Variants in CCDC88C observed in about 807,000 individuals in gnomAD.
The protein encoded by CCDC88C is coiled-coil and HOOK domain protein 88C.
In CCDC88C, 131 loss-of-function variants were observed where a neutral mutation model predicts 198.8. That is an observed-to-expected ratio of 0.66 (90% CI 0.57 to 0.76). CCDC88C has a LOEUF of 0.76. Ranked by LOEUF, CCDC88C falls within the 30% of genes least tolerant of loss-of-function variation. CCDC88C has a pLI of 0.00. For missense variants in CCDC88C, 2,553 were observed against 2,631.6 expected (o/e 0.97, Z 0.65); for synonymous variants, 1,166 against 1,114.7 (o/e 1.05, Z -0.92).
intron 23 of CCDC88C, 86 bp downstream of exon 23, chr14:91,294,087 C>T (rs1324577767): frequency 3.9e-6 from 6 of 1,526,426 alleles, no homozygotes; most frequent in Non-Finnish European, 5.4e-6. Flanking sequence ...GGGCTCCTCT[C>T]TGCATGGGAA....
intron 10 of CCDC88C, among the ~76,000 whole-genome samples, chr14:91,335,078 C>T (rs546109427): frequency 6.3e-4 from 96 of 152,286 alleles, no homozygotes; most frequent in Middle Eastern, 3.4e-3. Flanking sequence ...ACTCAGCAAG[C>T]GTCTCTCCAA....
chr14:91,314,211 G>T, intron 14 of CCDC88C, 61 bp from the exon 15 acceptor site: 1 of 1,335,198 alleles, frequency 7.5e-7, no homozygotes, highest in Non-Finnish European at 1.0e-6. Flanking sequence ...CAGTGACATG[G>T]GCTCACACTG....
chr14:91,339,076 A>AT lies in CCDC88C; in HGVS notation c.809+201dup. The AT allele has an allele frequency of 1.5e-6, 1 of 673,120 alleles. No individual in the cohort carries two copies. Among genetic ancestry groups the AT allele is most frequent in the Non-Finnish European group, 2.7e-6 (1 of 375,376 alleles). 41.7% of individuals were successfully genotyped at this position (673,120 alleles called of 1,614,324 possible). A position where few individuals can be genotyped will look rare whatever the true frequency, so the allele number is the denominator to read the frequency against. ...GAGGAAACCCTGAAGACCGGGAAGA[A>AT]TCCCCGCCCCCATCCCTGTGCAGGC... On this transcript the variant is annotated intron_variant, in intron 8 of 29. Coordinates refer to ENST00000389857, the MANE Select transcript of CCDC88C (RefSeq NM_001080414.4). The surrounding 1 kb of genome is among the most constrained non-coding windows in gnomAD (Gnocchi z 5.8).
intron 20 of CCDC88C, among the ~76,000 whole-genome samples, chr14:91,302,933 C>A (rs1307026009): frequency 6.6e-6 from 1 of 152,156 alleles, no homozygotes; most frequent in African/African-American, 2.4e-5. Flanking sequence ...GATCAGGGCC[C>A]CAAAGGCCCA....
In CCDC88C at chr14:91,300,116, T is replaced by C. The variant is rs750846762; in HGVS notation, c.3636-46A>G. The C allele has an allele frequency of 1.2e-5, 19 of 1,583,356 alleles. No individual in the cohort carries two copies. In the South Asian group the frequency reaches 2.1e-4, roughly 17 times the overall value. On this transcript the variant is annotated intron_variant, in intron 20 of 29. Coordinates refer to ENST00000389857, the MANE Select transcript of CCDC88C (RefSeq NM_001080414.4). ...CCGTGAGTCTGGCCAGGGCCTTCTTTTCCGACAGGTAACTCACATCCCAGA... is the reference window on the plus strand; with the variant it reads ...CCGTGAGTCTGGCCAGGGCCTTCTTCTCCGACAGGTAACTCACATCCCAGA...
chr14:91,341,655 T>C (rs1356451873), intron 6 of CCDC88C, among the ~76,000 whole-genome samples: 1 of 152,176 alleles, frequency 6.6e-6, no homozygotes, highest in Non-Finnish European at 1.5e-5. Context: ...AAGCACACAA[T>C]GCTTATTTTG....
intron 15 of CCDC88C, among the ~76,000 whole-genome samples, chr14:91,311,524 TA>T (rs776703310): frequency 2.0e-5 from 3 of 152,086 alleles, no homozygotes; most frequent in Non-Finnish European, 4.4e-5. Flanking sequence ...AGGACTCCAC[TA>T]GGGGTGCCCA....
Position 91,416,735 on chromosome 14 carries a change from T to TA in CCDC88C, c.161+2dup. The TA allele has an allele frequency of 6.3e-7, 1 of 1,596,834 alleles. No individual in the cohort carries two copies. The highest frequency in any genetic ancestry group is 8.6e-7 in the Non-Finnish European group (1 of 1,164,670). The stretch of plus-strand genomic sequence containing the variant: ...TCCTTCCTCCGAGAAGAAGGTAACT[T>TA]ACATTTGCAGCATAATTTGGTTCAA... On this transcript the variant is annotated splice_region_variant and intron_variant, in intron 2 of 29. Coordinates refer to ENST00000389857, the MANE Select transcript of CCDC88C (RefSeq NM_001080414.4).
rs141055510 is a variant in CCDC88C at position 91,359,505 on chromosome 14, T to G, written c.340+137A>C. 1,468 of 695,480 alleles carry G rather than the reference T, an allele frequency of 2.1e-3. 14 individuals carry two copies. The African/African-American group carries it at 0.023, about 11-fold the overall frequency. 43.1% of individuals were successfully genotyped at this position (695,480 alleles called of 1,614,324 possible). On this transcript the variant is annotated intron_variant, in intron 4 of 29. Coordinates refer to ENST00000389857, the MANE Select transcript of CCDC88C (RefSeq NM_001080414.4). ...TGCCTCAGGGTAATGAACCCACTCT[T>G]TAAAATCTCACCAAAACGATCACGT... is the stretch of plus-strand genomic sequence containing the variant.
chr14:91,275,463 C>T (rs1596011123), intron 29 of CCDC88C, among the ~76,000 whole-genome samples: 2 of 151,966 alleles, frequency 1.3e-5, no homozygotes, highest in African/African-American at 4.8e-5. Flanking sequence ...CTTGTTCAGT[C>T]CATTAGACCA....
At chr14:91,315,226 T>C (rs1892041884) in intron 14 of CCDC88C, among the ~76,000 whole-genome samples, 1 of 152,070 alleles carries the variant, frequency 6.6e-6, no homozygotes, top group African/African-American at 2.4e-5. Flanking sequence ...CCTGAGCCAC[T>C]ACATCAGCCC....
intron 3 of CCDC88C, among the ~76,000 whole-genome samples, chr14:91,401,932 C>T (rs1416336901): frequency 2.0e-5 from 3 of 152,154 alleles, no homozygotes; most frequent in East Asian, 3.8e-4. Flanking sequence ...ACAAGTTTAA[C>T]GTGTTCTTTC....
At chr14:91,388,937 C>T (rs1362818036) in intron 3 of CCDC88C, among the ~76,000 whole-genome samples, 1 of 152,134 alleles carries the variant, frequency 6.6e-6, no homozygotes, top group Non-Finnish European at 1.5e-5. Context: ...CAGGATGGTG[C>T]GTGAGTCTCT....
At chr14:91,377,047 A>G (rs1314583976) in intron 3 of CCDC88C, among the ~76,000 whole-genome samples, 1 of 147,306 alleles carries the variant, frequency 6.8e-6, no homozygotes, top group Non-Finnish European at 1.5e-5. Context: ...GTCCACTGAG[A>G]CACTGGTCTT....
At chr14:91,336,801 C>T (rs541137890) in intron 10 of CCDC88C, among the ~76,000 whole-genome samples, 65 of 152,346 alleles carry the variant, frequency 4.3e-4, no homozygotes, top group African/African-American at 1.4e-3. Flanking sequence ...CCACCTCACC[C>T]AGTCCCAGAG....
At chr14:91,287,514 T>C (rs916543615) in intron 25 of CCDC88C, among the ~76,000 whole-genome samples, 1 of 151,976 alleles carries the variant, frequency 6.6e-6, no homozygotes, top group Non-Finnish European at 1.5e-5. Context: ...AAAATATATA[T>C]ATTGGTAGAT....
chr14:91,383,987 T>C (rs758614435), intron 3 of CCDC88C, among the ~76,000 whole-genome samples: 4 of 152,252 alleles, frequency 2.6e-5, no homozygotes, highest in Admixed American at 6.5e-5. Flanking sequence ...CACAGCCTTC[T>C]GGAGTGCCAC....
At chr14:91,344,781 G>C (rs1893457852) in intron 4 of CCDC88C, among the ~76,000 whole-genome samples, 1 of 150,016 alleles carries the variant, frequency 6.7e-6, no homozygotes, top group Admixed American at 6.6e-5. Context: ...TTACAGGCTT[G>C]AGCCACCGCG....
At position 91,409,005 on chromosome 14, in the gene CCDC88C, G is replaced by A. The variant is rs76410051; in HGVS notation, c.162-238C>T. On this transcript the variant is annotated intron_variant, in intron 2 of 29. Transcript: ENST00000389857. ...CTGGCCCACCGCAGGCCCTCAGTCA[G>A]TGCTGTTTCCATTCCCACCGTTCCT... Among the ~76,000 whole-genome samples the A allele has an allele frequency of 4.3e-3, 654 of 152,246 alleles. 19 individuals are homozygous for A. The highest frequency in any genetic ancestry group is 1.2e-3 in the Non-Finnish European group (80 of 68,026).
Sources: gnomAD v4.1 joint callset for allele counts (sites outside exome capture counted in the v4.1 genomes callset) on GRCh38, gnomAD v4.1.1 for gene constraint, Gnocchi (gnomAD v3.1) non-coding constraint, MANE v1.5 for transcripts, NCBI Gene and HGNC (gene_info 2026-07-23, HGNC 2026-07-21) for gene names.